The following PCDHGA6 variants were observed in gnomAD, a reference collection of about 807,000 sequenced individuals.
The protein encoded by PCDHGA6 is protocadherin gamma-A6.
A neutral mutation model predicts 60.6 loss-of-function variants in PCDHGA6; 41 were observed. That is an observed-to-expected ratio of 0.68 (90% CI 0.53 to 0.88). The LOEUF (loss-of-function observed/expected upper bound fraction) is 0.88, where lower values mean the gene tolerates loss of function less well. Ranked by LOEUF, PCDHGA6 falls within the 40% of genes least tolerant of loss-of-function variation. The pLI is 0.00. For missense variants in PCDHGA6, 1,312 were observed against 1,203.0 expected, an observed-to-expected ratio of 1.09 and a Z score of -1.34; for synonymous variants, 594 against 524.4, an observed-to-expected ratio of 1.13 and a Z score of -1.81.
At position 141,511,940 on chromosome 5, in the gene PCDHGA6, G is replaced by A. The variant is rs2099884015; in HGVS notation, c.*767G>A. 1 of 154,118 alleles carries A rather than the reference G, an allele frequency of 6.5e-6. No homozygotes were observed. The highest frequency in any genetic ancestry group is 1.9e-4 in the East Asian group (1 of 5,214). 9.5% of individuals were successfully genotyped at this position (154,118 alleles called of 1,614,324 possible). ...TCCACTGCATGTTCCAAGACAGTAT[G>A]GGGTGGTAAGATAAGGAAGGGAAGT... On this transcript the variant is annotated 3_prime_UTR_variant, in exon 4 of 4. Coordinates refer to ENST00000517434, the MANE Select transcript of PCDHGA6 (RefSeq NM_018919.3).
chr5:141,393,303 G>A (rs1305361582), intron 1 of PCDHGA6: 5 of 1,613,646 alleles, frequency 3.1e-6, no homozygotes, highest in Non-Finnish European at 3.4e-6. Context: ...GGATGTGGGC[G>A]TGAACTCCCT....
At chr5:141,399,628 G>C in intron 1 of PCDHGA6, 1 of 1,613,890 alleles carries the variant, frequency 6.2e-7, no homozygotes, top group Non-Finnish European at 8.5e-7. Flanking sequence ...GGCCTCTTAC[G>C]TGTCCATGAG....
rs2099388737 is a variant in PCDHGA6 at position 141,476,307 on chromosome 5, G to T, written c.2425-18500G>T. 1 of 1,613,606 alleles carries T rather than the reference G, an allele frequency of 6.2e-7. No individual in the cohort carries two copies. The highest frequency in any genetic ancestry group is 1.3e-5 in the African/African-American group (1 of 74,728). ...TTGGATCTCGGTAGCCTCTCAGCCC[G>T]CAGGTTCCGGGTGGTGTCTGGAGCT... On this transcript the variant is annotated intron_variant, in intron 1 of 3. Coordinates refer to ENST00000517434, the MANE Select transcript of PCDHGA6 (RefSeq NM_018919.3). The surrounding 1 kb of genome is among the most constrained non-coding windows in gnomAD (Gnocchi z 7.6).
intron 3 of PCDHGA6, among the ~76,000 whole-genome samples, chr5:141,509,539 A>G (rs749824780): frequency 1.3e-5 from 2 of 152,160 alleles, no homozygotes; most frequent in East Asian, 1.9e-4. Context: ...ATGAAGCACC[A>G]TCTCATTTAG....
chr5:141,415,304 C>A, intron 1 of PCDHGA6: 1 of 1,614,188 alleles, frequency 6.2e-7, no homozygotes, highest in Non-Finnish European at 8.5e-7. Context: ...GTCTTCCTGG[C>A]CTTCGTCATC....
In PCDHGA6 at chr5:141,489,684, T is replaced by C. The variant is rs2099690710; in HGVS notation, c.2425-5123T>C. 1.2e-6 allele frequency: 2 copies of C among 1,614,062 alleles called. No individual in the cohort carries two copies. The highest frequency in any genetic ancestry group is 8.5e-7 in the Non-Finnish European group (1 of 1,180,034). On this transcript the variant is annotated intron_variant, in intron 1 of 3. Coordinates refer to ENST00000517434, the MANE Select transcript of PCDHGA6 (RefSeq NM_018919.3). This position sits in a 1 kb window ranked among gnomAD's most constrained non-coding sequence, Gnocchi z 4.5. ...TGCGCATCTCAGAATCAGCAGCATCTGGGGCACGATTCCCACTGGACAGTG... is the reference window on the plus strand; with the variant it reads ...TGCGCATCTCAGAATCAGCAGCATCCGGGGCACGATTCCCACTGGACAGTG...
intron 1 of PCDHGA6, chr5:141,422,115 T>G: frequency 6.2e-7 from 1 of 1,605,004 alleles, no homozygotes; most frequent in Non-Finnish European, 8.5e-7. Context: ...TCCAATTGGA[T>G]TCACAAACTG....
chr5:141,400,106 T>A (rs771937544), intron 1 of PCDHGA6: 1 of 1,613,950 alleles, frequency 6.2e-7, no homozygotes, highest in African/African-American at 1.3e-5. Context: ...CACTTGGTCT[T>A]TGCTGACAGC....
chr5:141,477,224 G>C lies in PCDHGA6; in HGVS notation c.2425-17583G>C. 6.2e-7 allele frequency: 1 copy of C among 1,614,200 alleles called. No individual in the cohort carries two copies. The highest frequency in any genetic ancestry group is 8.5e-7 in the Non-Finnish European group (1 of 1,180,046). Reference sequence around the variant, plus strand: ...ACCCGAGGATGCCCCTCTGGGGACTGTCATCGCTTTGCTCAGTGTGACTGA... The same window carrying C: ...ACCCGAGGATGCCCCTCTGGGGACTCTCATCGCTTTGCTCAGTGTGACTGA... On this transcript the variant is annotated intron_variant, in intron 1 of 3. Transcript: ENST00000517434. The surrounding 1 kb of genome is among the most constrained non-coding windows in gnomAD (Gnocchi z 4.9).
intron 2 of PCDHGA6, among the ~76,000 whole-genome samples, chr5:141,500,695 T>G (rs1214079801): frequency 1.3e-5 from 2 of 152,214 alleles, no homozygotes; most frequent in Admixed American, 6.5e-5. Flanking sequence ...TTTTTCTTCT[T>G]TGCAGTGTAT....
intron 2 of PCDHGA6, among the ~76,000 whole-genome samples, chr5:141,496,631 G>A (rs1434126210): frequency 6.6e-6 from 1 of 152,164 alleles, no homozygotes; most frequent in Admixed American, 6.5e-5. Context: ...CAAAAGGCTT[G>A]GGCTGCCCTT....
intron 1 of PCDHGA6, chr5:141,423,461 A>G (rs1590478217): frequency 6.2e-7 from 1 of 1,613,982 alleles, no homozygotes; most frequent in Non-Finnish European, 8.5e-7. Context: ...GTAGGCGTGG[A>G]CGGGGTACAG....
In PCDHGA6 at chr5:141,427,967, G is replaced by A. The variant is rs535332244; in HGVS notation, c.2424+51460G>A. On this transcript the variant is annotated intron_variant, in intron 1 of 3. Coordinates refer to ENST00000517434, the MANE Select transcript of PCDHGA6 (RefSeq NM_018919.3). The stretch of plus-strand genomic sequence containing the variant: ...TCAATGACAATGTGCCGCGGGTGCT[G>A]TACCCCGCGCTGGGGCCCGATGGCT... 10 of 1,591,190 alleles carry A rather than the reference G, an allele frequency of 6.3e-6. No individual in the cohort carries two copies. In the East Asian group the frequency reaches 8.9e-5, roughly 14 times the overall value.
chr5:141,414,289 C>T (rs1435700383), intron 1 of PCDHGA6: 1 of 1,613,394 alleles, frequency 6.2e-7, no homozygotes, highest in African/African-American at 1.3e-5. Flanking sequence ...AGTCGTAGCC[C>T]TTTTAAATGT....
In PCDHGA6 at chr5:141,477,669, T is replaced by C; in HGVS notation, c.2425-17138T>C. Reference sequence around the variant, plus strand: ...TTCACAATAAATCGTGACAATGGCATAGTGTCATCCTTAGTGCCCCTAGAC... The same window carrying C: ...TTCACAATAAATCGTGACAATGGCACAGTGTCATCCTTAGTGCCCCTAGAC... On this transcript the variant is annotated intron_variant, in intron 1 of 3. Coordinates refer to ENST00000517434, the MANE Select transcript of PCDHGA6 (RefSeq NM_018919.3). This position sits in a 1 kb window ranked among gnomAD's most constrained non-coding sequence, Gnocchi z 4.9. 6.2e-7 allele frequency: 1 copy of C among 1,614,200 alleles called. No individual in the cohort carries two copies. Among genetic ancestry groups the C allele is most frequent in the Non-Finnish European group, 8.5e-7 (1 of 1,180,030 alleles).
At chr5:141,446,922 T>G (rs939249512) in intron 1 of PCDHGA6, among the ~76,000 whole-genome samples, 1 of 152,220 alleles carries the variant, frequency 6.6e-6, no homozygotes, top group Non-Finnish European at 1.5e-5. Context: ...TTTATCTTCC[T>G]GATCTCTTTT....
chr5:141,383,578 C>A, intron 1 of PCDHGA6: 1 of 1,613,494 alleles, frequency 6.2e-7, no homozygotes, highest in Non-Finnish European at 8.5e-7. Flanking sequence ...CAGCACCGCC[C>A]ACATCCAGGT....
At chr5:141,423,256 G>C (rs751894091) in intron 1 of PCDHGA6, 1 of 1,613,934 alleles carries the variant, frequency 6.2e-7, no homozygotes. Flanking sequence ...GGCGGACCTC[G>C]GCAGCCTCGA....
intron 1 of PCDHGA6, chr5:141,418,232 G>A (rs1034684988): frequency 6.2e-7 from 1 of 1,614,066 alleles, no homozygotes; most frequent in Non-Finnish European, 8.5e-7. Flanking sequence ...GGTGATTGAG[G>A]ATGTTAATGA....
Sources: gnomAD v4.1 joint callset for allele counts (sites outside exome capture counted in the v4.1 genomes callset) on GRCh38, gnomAD v4.1.1 for gene constraint, Gnocchi (gnomAD v3.1) non-coding constraint, MANE v1.5 for transcripts, NCBI Gene and HGNC (gene_info 2026-07-23, HGNC 2026-07-21) for gene names.